KLHL5: variants seen among roughly 807,000 people sequenced by gnomAD.
KLHL5 encodes kelch-like protein 5.
Under a neutral mutation model 77.7 loss-of-function variants are expected in KLHL5, and 48 were observed. The ratio of observed to expected loss-of-function variants is 0.62; its 90% CI spans 0.49 to 0.79. The LOEUF (loss-of-function observed/expected upper bound fraction) is 0.79. Among genes scored for constraint, KLHL5 ranks in the 30% least tolerant of loss-of-function variants. The pLI is 0.00. For synonymous variants in KLHL5, 260 were observed against 297.0 expected (o/e 0.88, Z 1.28); for missense variants, 723 against 859.7 (o/e 0.84, Z 1.99).
intron 10 of KLHL5, among the ~76,000 whole-genome samples, chr4:39,117,301 A>C (rs1433143053): frequency 6.6e-6 from 1 of 152,162 alleles, no homozygotes; most frequent in South Asian, 2.1e-4. Flanking sequence ...TCTGTCTCTT[A>C]AAAATAATCA....
intron 5 of KLHL5, 54 bp downstream of exon 5, chr4:39,086,781 A>G (rs1325438716): frequency 2.3e-6 from 3 of 1,312,344 alleles, no homozygotes; most frequent in Non-Finnish European, 3.3e-6. Flanking sequence ...TCTATCAAAG[A>G]AAATAATTGT....
chr4:39,075,833 G>T (rs1207087143), intron 1 of KLHL5, 132 bp from the exon 2 acceptor site: 3 of 681,886 alleles, frequency 4.4e-6, no homozygotes, highest in Non-Finnish European at 7.3e-6. Context: ...AATGATGAAT[G>T]ATTATACATT....
intron 6 of KLHL5, among the ~76,000 whole-genome samples, chr4:39,101,795 G>A (rs923211995): frequency 2.3e-4 from 34 of 147,062 alleles, no homozygotes; most frequent in African/African-American, 8.6e-4. Context: ...GTGGTGAGCC[G>A]AGATCATACC....
At position 39,113,115 on chromosome 4, in the gene KLHL5, T is replaced by C. The variant is rs1722576641; in HGVS notation, c.1784T>C (p.Met595Thr). 6.2e-7 allele frequency: 1 copy of C among 1,614,006 alleles called. No homozygotes were observed. Among genetic ancestry groups the C allele is most frequent in the African/African-American group, 1.3e-5 (1 of 74,930 alleles). The change falls in exon 9 of 11, where the codon ATG becomes ACG. Residue 595 changes from methionine (M) to threonine (T), a missense_variant. Met to Thr is a moderately conservative substitution (Grantham distance 81). Around this residue, in one of 3 missense-constraint regions of KLHL5, gnomAD observed 214 missense variants for 237.4 expected, o/e 0.90. Transcript: ENST00000504108. ...HTNKWTLCAQ[M>T]SKRRGGVGVT... ...AATAAGTGGACACTGTGTGCACAGATGTCAAAAAGGAGAGGTGGCGTAGGA... is the reference window on the plus strand; with the variant it reads ...AATAAGTGGACACTGTGTGCACAGACGTCAAAAAGGAGAGGTGGCGTAGGA...
intron 2 of KLHL5, 105 bp downstream of exon 2, chr4:39,076,252 G>A: frequency 1.0e-6 from 1 of 955,272 alleles, no homozygotes; most frequent in South Asian, 1.6e-5. Flanking sequence ...TTTGGGAAGG[G>A]GTGTAGTTCA....
At chr4:39,098,532 G>A (rs892027298) in intron 6 of KLHL5, among the ~76,000 whole-genome samples, 32 of 151,432 alleles carry the variant, frequency 2.1e-4, no homozygotes, top group African/African-American at 7.5e-4. Flanking sequence ...CTCCCAAAAT[G>A]CTGGGATTAC....
At chr4:39,108,850 C>A (rs1722232781) in intron 8 of KLHL5, among the ~76,000 whole-genome samples, 1 of 152,146 alleles carries the variant, frequency 6.6e-6, no homozygotes, top group Non-Finnish European at 1.5e-5. Context: ...CAACATATTT[C>A]TTAGCCCTTA....
In KLHL5 at chr4:39,103,158, C is replaced by A. The variant is rs78948694; in HGVS notation, c.1301-129C>A. 2,277 of 771,306 alleles carry A rather than the reference C, an allele frequency of 3.0e-3. 33 individuals are homozygous for A. The African/African-American group carries it at 0.035, about 12-fold the overall frequency. 47.8% of individuals were successfully genotyped at this position (771,306 alleles called of 1,614,324 possible). ...TAGGCAGAGGCTAGATCATGCAGGA[C>A]CTTCATGAAATATAATAAAATTATT... On this transcript the variant is annotated intron_variant, in intron 6 of 10. Coordinates refer to ENST00000504108, the MANE Select transcript of KLHL5 (RefSeq NM_015990.5).
intron 4 of KLHL5, among the ~76,000 whole-genome samples, chr4:39,083,550 A>T (rs188640569): frequency 9.9e-5 from 15 of 152,196 alleles, no homozygotes; most frequent in Non-Finnish European, 1.8e-4. Flanking sequence ...CTAGCATGCT[A>T]TTATGTTGAC....
chr4:39,112,902 G>C, intron 8 of KLHL5, 118 bp from the exon 9 acceptor site: 2 of 794,118 alleles, frequency 2.5e-6, no homozygotes, highest in East Asian at 2.6e-5. Context: ...CACATTGACA[G>C]TGTGTTTTAT....
chr4:39,111,627 T>C (rs1311311321), intron 8 of KLHL5, among the ~76,000 whole-genome samples: 1 of 152,210 alleles, frequency 6.6e-6, no homozygotes, highest in Admixed American at 6.5e-5. Context: ...CTACCAAGTA[T>C]TAGTTGATGA....
chr4:39,044,973 TA>T (rs1716033850), upstream of KLHL5: 5 of 988,116 alleles, frequency 5.1e-6, no homozygotes, highest in Admixed American at 1.2e-4. Context: ...GGACAGGGTC[TA>T]GGGGCGCGCG....
chr4:39,109,783 C>T (rs1722320870), intron 8 of KLHL5, among the ~76,000 whole-genome samples: 1 of 151,422 alleles, frequency 6.6e-6, no homozygotes, highest in Admixed American at 6.6e-5. Flanking sequence ...TCCTGAGTTC[C>T]AGTGATTCTC....
rs745841197 is a variant in KLHL5 at position 39,062,563 on chromosome 4, G to T, written c.-90G>T. ...ACATATTTTTGTTGTGTACAGCAGG[G>T]CATATACTTCTCTTGTCTTGGTTGG... On this transcript the variant is annotated 5_prime_UTR_variant, in exon 1 of 11. Transcript: ENST00000504108. The T allele has an allele frequency of 2.8e-5, 45 of 1,613,398 alleles. No individual in the cohort carries two copies. Among genetic ancestry groups the T allele is most frequent in the Non-Finnish European group, 3.8e-5 (45 of 1,179,502 alleles).
chr4:39,069,417 C>A (rs1718196057), intron 1 of KLHL5, among the ~76,000 whole-genome samples: 1 of 139,648 alleles, frequency 7.2e-6, no homozygotes, highest in South Asian at 2.3e-4. Flanking sequence ...GTGAATTTTT[C>A]CCTATTAACA....
intron 2 of KLHL5, among the ~76,000 whole-genome samples, chr4:39,078,654 C>T (rs184133608): frequency 4.1e-4 from 63 of 152,208 alleles, no homozygotes; most frequent in Non-Finnish European, 6.6e-4. Context: ...AAGATCATGC[C>T]ACTGCACTCC....
intron 1 of KLHL5, chr4:39,063,705 G>A (rs558119385): frequency 3.3e-6 from 1 of 299,712 alleles, no homozygotes; most frequent in South Asian, 3.1e-5. Context: ...AGAGTTTAAG[G>A]GAATGTAGAG....
At chr4:39,112,860 T>C in intron 8 of KLHL5, 160 bp from the exon 9 acceptor site, 1 of 632,548 alleles carries the variant, frequency 1.6e-6, no homozygotes, top group Non-Finnish European at 2.7e-6. Context: ...ACATGTGTCA[T>C]TTCAAACATA....
intron 8 of KLHL5, among the ~76,000 whole-genome samples, chr4:39,108,062 T>C (rs1722180360): frequency 6.6e-6 from 1 of 151,568 alleles, no homozygotes. Context: ...ATATTATGTT[T>C]AAAAGTATAT....
Sources: gnomAD v4.1 joint callset for allele counts (sites outside exome capture counted in the v4.1 genomes callset) on GRCh38, gnomAD v4.1.1 for gene constraint, gnomAD v4.1.1 regional missense constraint, MANE v1.5 for transcripts, NCBI Gene and HGNC (gene_info 2026-07-23, HGNC 2026-07-21) for gene names.